The following ARSH variants were observed in gnomAD, a reference collection of about 807,000 sequenced individuals.
ARSH encodes arylsulfatase family member H, also known as arylsulfatase H.
Under a neutral mutation model 28.7 loss-of-function variants are expected in ARSH, and 32 were observed. The ratio of observed to expected loss-of-function variants is 1.11; its 90% CI spans 0.84 to 1.50. ARSH has a LOEUF of 1.50. ARSH is among the 40% of genes most tolerant of loss of function. ARSH has a pLI of 0.00. For missense variants in ARSH, 440 were observed against 452.4 expected, an observed-to-expected ratio of 0.97 and a Z score of 0.25; for synonymous variants, 176 against 177.3, an observed-to-expected ratio of 0.99 and a Z score of 0.06.
At chrX:3,009,108 G>A (rs2089839112) in intron 1 of ARSH, among the ~76,000 whole-genome samples, 1 of 111,385 alleles carries the variant, frequency 9.0e-6, no homozygotes, top group Non-Finnish European at 1.9e-5. Context: ...TTAATGGGAG[G>A]CTGAAGTGGG....
chrX:3,028,303 C>T (rs987333768), intron 7 of ARSH, among the ~76,000 whole-genome samples: 28 of 107,359 alleles, frequency 2.6e-4, no homozygotes, highest in African/African-American at 9.2e-4. Flanking sequence ...CTCTGCGTCC[C>T]GGGTTCAAGT....
chrX:3,026,473 G>A (rs900795651), intron 6 of ARSH, among the ~76,000 whole-genome samples: 7 of 111,421 alleles, frequency 6.3e-5, no homozygotes, highest in Non-Finnish European at 1.3e-4. Flanking sequence ...AGACAGGTGC[G>A]CACGTAGAAG....
intron 8 of ARSH, among the ~76,000 whole-genome samples, chrX:3,031,535 T>C (rs1263403401): frequency 8.9e-6 from 1 of 111,960 alleles, no homozygotes; most frequent in African/African-American, 3.2e-5. Context: ...TTTAACTTTA[T>C]TTGCAGGAGG....
chrX:3,010,214 T>C, intron 2 of ARSH, 63 bp downstream of exon 2: 1 of 1,133,220 alleles, frequency 8.8e-7, no homozygotes, highest in South Asian at 2.0e-5. Context: ...TGATTAGTTT[T>C]TGCAAATCTT....
At chrX:3,018,484 A>T in intron 4 of ARSH, 50 bp from the exon 5 acceptor site, 1 of 1,169,644 alleles carries the variant, frequency 8.5e-7, no homozygotes, top group East Asian at 3.0e-5. Context: ...TAAATGATGG[A>T]AATGACTTCA....
chrX:3,032,581 G>A (rs2089917484), intron 8 of ARSH, among the ~76,000 whole-genome samples: 1 of 105,033 alleles, frequency 9.5e-6, no homozygotes, highest in African/African-American at 3.5e-5. Flanking sequence ...GAGGGAGGGA[G>A]GAAGGGAAGA....
intron 4 of ARSH, 43 bp from the exon 5 acceptor site, chrX:3,018,491 T>G (rs2089871945): frequency 8.5e-7 from 1 of 1,181,885 alleles, no homozygotes. Flanking sequence ...TGGAAATGAC[T>G]TCATATTTGT....
chrX:3,012,595 ATATAATATATATATGTATG>A (rs1312190904), intron 2 of ARSH, among the ~76,000 whole-genome samples: 3 of 30,818 alleles, frequency 9.7e-5, no homozygotes, highest in Admixed American at 4.3e-4. Context: ...ATATATATAT[ATATAATATATATATGTATG>A]TGTATATACA....
chrX:3,018,784 A>T, intron 5 of ARSH, 114 bp downstream of exon 5: 1 of 807,324 alleles, frequency 1.2e-6, no homozygotes, highest in Non-Finnish European at 1.7e-6. Flanking sequence ...GATACCTGAA[A>T]AGTATCTGTT....
chrX:3,007,487 G>T (rs779844564), intron 1 of ARSH, among the ~76,000 whole-genome samples: 43 of 111,547 alleles, frequency 3.9e-4, no homozygotes, highest in African/African-American at 1.3e-3. Flanking sequence ...CGTGACAAAG[G>T]TCCACAGACT....
At chrX:3,027,744 A>T (rs753783479) in intron 7 of ARSH, among the ~76,000 whole-genome samples, 1 of 111,903 alleles carries the variant, frequency 8.9e-6, no homozygotes, top group Admixed American at 9.5e-5. Flanking sequence ...CTCATACATC[A>T]TCACATCCCT....
Position 3,033,252 on chromosome X carries a change from G to C in ARSH, c.1556G>C (p.Arg519Thr). 1 of 1,211,639 alleles carries C rather than the reference G, an allele frequency of 8.3e-7. No homozygotes were observed. Among genetic ancestry groups the C allele is most frequent in the Non-Finnish European group, 1.1e-6 (1 of 895,471 alleles). Reference protein sequence around the residue: ...KMEAAIREHRRTLTPVPQQFS... With the variant: ...KMEAAIREHRTTLTPVPQQFS... ...GAGGCAGCCATAAGAGAGCATCGTA[G>C]GACACTAACACCTGTCCCACAGCAG... Residue 519 changes from arginine (R) to threonine (T), a missense_variant, in exon 9 of 9, where the codon AGG becomes ACG. Transcript: ENST00000381130.
chrX:3,018,356 T>G (rs1449584345), intron 4 of ARSH, among the ~76,000 whole-genome samples, 178 bp from the exon 5 acceptor site: 2 of 111,702 alleles, frequency 1.8e-5, no homozygotes, highest in Non-Finnish European at 3.8e-5. Context: ...CCTCCTCATA[T>G]CCTTTCAACA....
At chrX:3,010,320 A>G (rs2089843155) in intron 2 of ARSH, among the ~76,000 whole-genome samples, 169 bp downstream of exon 2, 1 of 112,094 alleles carries the variant, frequency 8.9e-6, no homozygotes, top group Non-Finnish European at 1.9e-5. Context: ...GCCTCTCACC[A>G]GGTACCACTG....
intron 5 of ARSH, among the ~76,000 whole-genome samples, chrX:3,020,886 CATA>C (rs1297974538): frequency 1.8e-5 from 2 of 110,253 alleles, no homozygotes; most frequent in Non-Finnish European, 3.8e-5. Flanking sequence ...CACTTTTATG[CATA>C]ATACTATAGT....
At position 3,015,314 on chromosome X, in the gene ARSH, C is replaced by G. The variant is rs888139515; in HGVS notation, c.685C>G (p.His229Asp). ...TTGGAATTGCATCCTTATGAGGAAC[C>G]ATGAAATTATCCAGCAGCCAATGAA... ...RRWNCILMRN[H>D]EIIQQPMKEE... Residue 229 changes from histidine (H) to aspartate (D), a missense_variant, in exon 4 of 9, where the codon CAT becomes GAT. His to Asp is a moderately conservative substitution (Grantham distance 81). Coordinates refer to ENST00000381130, the MANE Select transcript of ARSH (RefSeq NM_001011719.2). 9 of 1,209,807 alleles carry G rather than the reference C, an allele frequency of 7.4e-6. No individual in the cohort carries two copies. Among genetic ancestry groups the G allele is most frequent in the East Asian group, 3.0e-5 (1 of 33,795 alleles).
At chrX:3,030,567 G>A (rs1364440104) in intron 8 of ARSH, among the ~76,000 whole-genome samples, 1 of 111,722 alleles carries the variant, frequency 9.0e-6, no homozygotes, top group African/African-American at 3.2e-5. Flanking sequence ...ATGGTGGAAG[G>A]CACATCTTAC....
intron 1 of ARSH, among the ~76,000 whole-genome samples, chrX:3,007,896 T>C (rs2089833327): frequency 9.0e-6 from 1 of 111,457 alleles, no homozygotes; most frequent in African/African-American, 3.3e-5. Context: ...TGTGTGTCTG[T>C]GTCCTCATTT....
chrX:3,011,846 T>G (rs2089847515), intron 2 of ARSH, among the ~76,000 whole-genome samples: 1 of 111,591 alleles, frequency 9.0e-6, no homozygotes, highest in African/African-American at 3.3e-5. Flanking sequence ...CCTTGAAATA[T>G]ACTTTTTTCT....
Sources: gnomAD v4.1 joint callset for allele counts (sites outside exome capture counted in the v4.1 genomes callset) on GRCh38, gnomAD v4.1.1 for gene constraint, MANE v1.5 for transcripts, NCBI Gene and HGNC (gene_info 2026-07-23, HGNC 2026-07-21) for gene names.